The following TIGD6 variants were observed in gnomAD, a reference collection of about 807,000 sequenced individuals.
TIGD6 encodes tigger transposable element-derived protein 6.
In TIGD6, 1 loss-of-function variant was observed where a neutral mutation model predicts 2.6. That is an observed-to-expected ratio of 0.39 (90% CI 0.14 to 1.85). The LOEUF (loss-of-function observed/expected upper bound fraction) is 1.85. TIGD6 is among the 40% of genes most tolerant of loss of function. The pLI, the probability that TIGD6 is intolerant of heterozygous loss-of-function variation, is 0.32. For missense variants in TIGD6, 601 were observed against 634.2 expected (o/e 0.95, Z 0.56); for synonymous variants, 193 against 221.9 (o/e 0.87, Z 1.16).
Position 149,995,716 on chromosome 5 carries a change from T to C in TIGD6, c.633A>G (p.Thr211=), listed in dbSNP as rs905256164. Residue 211 remains threonine, a synonymous_variant, in exon 2 of 2, where the codon ACA becomes ACG. Coordinates refer to ENST00000296736, the MANE Select transcript of TIGD6 (RefSeq NM_030953.4). ...RGGKKAKQRL[T]ALFCCNASGT... is the part of the protein sequence containing the mutation. Reference sequence around the variant, plus strand: ...CCGAGGCATTGCAACAAAAGAGTGCTGTCAACCGCTGCTTTGCTTTCTTGC... The same window carrying C: ...CCGAGGCATTGCAACAAAAGAGTGCCGTCAACCGCTGCTTTGCTTTCTTGC... 5.6e-6 allele frequency: 9 copies of C among 1,614,134 alleles called. No homozygotes were observed. The highest frequency in any genetic ancestry group is 1.6e-4 in the Middle Eastern group (1 of 6,084).
rs762501340 is a variant in TIGD6 at position 149,994,937 on chromosome 5, G to A, written c.1412C>T (p.Ser471Leu). 3.5e-5 allele frequency: 57 copies of A among 1,612,758 alleles called. No homozygotes were observed. The highest frequency in any genetic ancestry group is 4.8e-5 in the Non-Finnish European group (57 of 1,179,020). ...QPKVTITEAI[S>L]SVQKLRQFLS... ...GAACTGTCTAAGTTTCTGTACACTT[G>A]ATATGGCTTCTGTGATGGTGACTTT... Residue 471 changes from serine to leucine, a missense_variant, in exon 2 of 2, where the codon TCA (serine) becomes TTA (leucine). By Grantham distance (145) the Ser-to-Leu change is moderately radical. Transcript: ENST00000296736.
At position 149,993,679 on chromosome 5, in the gene TIGD6, A is replaced by T. The variant is rs1304889001; in HGVS notation, c.*1104T>A. On this transcript the variant is annotated 3_prime_UTR_variant, in exon 2 of 2. Coordinates refer to ENST00000296736, the MANE Select transcript of TIGD6 (RefSeq NM_030953.4). The stretch of plus-strand genomic sequence containing the variant: ...TTCCCAATGTGCTGGGATTACAGGC[A>T]TGAGCCACCATGCCCAGCCTATGTC... 6.6e-6 allele frequency: 1 copy of T among 152,034 alleles called. No homozygotes were observed. Among genetic ancestry groups the T allele is most frequent in the East Asian group, 1.9e-4 (1 of 5,190 alleles). 9.4% of individuals were successfully genotyped at this position (152,034 alleles called of 1,614,324 possible).
chr5:149,996,507 T>C, intron 1 of TIGD6, 78 bp from the exon 2 acceptor site: 1 of 1,095,388 alleles, frequency 9.1e-7, no homozygotes, highest in Non-Finnish European at 1.3e-6. Context: ...TTACAAATTG[T>C]ATTAGGAAAG....
rs1755332827 is a variant in TIGD6, at chr5:149,994,662, T to C, written c.*121A>G. 7 of 973,324 alleles carry C rather than the reference T, an allele frequency of 7.2e-6. No homozygotes were observed. Among genetic ancestry groups the C allele is most frequent in the African/African-American group, 1.7e-5 (1 of 59,438 alleles). The allele number at this position is 973,324 out of a possible 1,614,324, so 60.3% of individuals were successfully genotyped here. A position where few individuals can be genotyped will look rare whatever the true frequency, so the allele number is the denominator to read the frequency against. On this transcript the variant is annotated 3_prime_UTR_variant, in exon 2 of 2. Coordinates refer to ENST00000296736, the MANE Select transcript of TIGD6 (RefSeq NM_030953.4). ...TCAAATTCCATTCAAAGAAGTTTCC[T>C]GGCTATTTCAGAGTACTGGAATGTT...
rs759742826 is a variant in TIGD6, at chr5:149,996,287, A to C, written c.62T>G (p.Val21Gly). 3 of 1,613,520 alleles carry C rather than the reference A, an allele frequency of 1.9e-6. No individual in the cohort carries two copies. In the South Asian group the frequency reaches 3.3e-5, roughly 18 times the overall value. The change falls in exon 2 of 2, where the codon GTG becomes GGG. Residue 21 changes from valine (V) to glycine (G), a missense_variant. Coordinates refer to ENST00000296736, the MANE Select transcript of TIGD6 (RefSeq NM_030953.4). ...QFSLEEKMKV[V>G]GAVDSGKRKG... is the part of the protein sequence containing the mutation. ...CCTCTTGCCTGAGTCTACAGCTCCC[A>C]CAACTTTCATTTTCTCCTCCAGAGA... is the stretch of plus-strand genomic sequence containing the variant.
chr5:149,994,789 T>C lies in TIGD6; in HGVS notation c.1560A>G (p.Thr520=), dbSNP rs950529883. Residue 520 remains threonine, a synonymous_variant, in exon 2 of 2, where the codon ACA becomes ACG. Transcript: ENST00000296736. ...IDSKITDFLQ[T]K ...TCTGAAATAAATTCCTGCATTATTT[T>C]GTTTGGAGGAAATCTGTAATTTTGG... 2 of 1,514,728 alleles carry C rather than the reference T, an allele frequency of 1.3e-6. No individual in the cohort carries two copies. The highest frequency in any genetic ancestry group is 1.8e-6 in the Non-Finnish European group (2 of 1,132,440). The allele number at this position is 1,514,728 out of a possible 1,614,324, so 93.8% of individuals were successfully genotyped here. A position where few individuals can be genotyped will look rare whatever the true frequency, so the allele number is the denominator to read the frequency against.
rs1207403655 is a variant in TIGD6 at position 149,993,130 on chromosome 5, T to C, written c.*1653A>G. The C allele has an allele frequency of 1.3e-5, 2 of 152,234 alleles. No homozygotes were observed. Among genetic ancestry groups the C allele is most frequent in the African/African-American group, 4.8e-5 (2 of 41,454 alleles). The allele number at this position is 152,234 out of a possible 1,614,324, so 9.4% of individuals were successfully genotyped here. On this transcript the variant is annotated 3_prime_UTR_variant, in exon 2 of 2. Coordinates refer to ENST00000296736, the MANE Select transcript of TIGD6 (RefSeq NM_030953.4). ...ATATGTACAGTACTTTTAATTCAAATGATCATATTAGTTTATTAAAAGAAA... is the reference window on the plus strand; with the variant it reads ...ATATGTACAGTACTTTTAATTCAAACGATCATATTAGTTTATTAAAAGAAA...
chr5:149,996,170 T>A lies in TIGD6; in HGVS notation c.179A>T (p.Glu60Val). The change falls in exon 2 of 2, where the codon GAG becomes GTG. Residue 60 changes from glutamate to valine, a missense_variant. Glu to Val is a moderately radical substitution (Grantham distance 121). Coordinates refer to ENST00000296736, the MANE Select transcript of TIGD6 (RefSeq NM_030953.4). ...TTTCCGCTGGGGTCCCACGGATGCC[T>A]CCCGCACCTTTTCTTCAAATTTGGT... ...DRTKFEEKVR[E>V]ASVGPQRKRM... The A allele has an allele frequency of 2.5e-6, 4 of 1,614,178 alleles. No individual in the cohort carries two copies. The highest frequency in any genetic ancestry group is 3.4e-6 in the Non-Finnish European group (4 of 1,180,018).
At chr5:149,996,915 C>T (rs1755402331) in intron 1 of TIGD6, among the ~76,000 whole-genome samples, 1 of 152,204 alleles carries the variant, frequency 6.6e-6, no homozygotes, top group African/African-American at 2.4e-5. Context: ...GCTCTACCAC[C>T]ATCTGGCCTG....
At chr5:149,998,761 T>C (rs1033136144) in intron 1 of TIGD6, among the ~76,000 whole-genome samples, 1 of 152,244 alleles carries the variant, frequency 6.6e-6, no homozygotes, top group Non-Finnish European at 1.5e-5. Context: ...CATCCATTCA[T>C]GACATGTACT....
Position 149,995,440 on chromosome 5 carries a change from C to A in TIGD6, c.909G>T (p.Leu303=), listed in dbSNP as rs771521594. The A allele has an allele frequency of 5.0e-6, 8 of 1,614,134 alleles. No individual in the cohort carries two copies. In the African/African-American group the frequency reaches 8.0e-5, roughly 16 times the overall value. ...GCAGGACAGCAGTACAGTTGGAGGG[C>A]AGATACCCAACCTGAATCCTTTCCA... ...PHLERIQVGY[L]PSNCTAVLQP... The change falls in exon 2 of 2, where the codon CTG becomes CTT. Residue 303 remains leucine (L), a synonymous_variant. Coordinates refer to ENST00000296736, the MANE Select transcript of TIGD6 (RefSeq NM_030953.4).
At position 149,993,999 on chromosome 5, in the gene TIGD6, C is replaced by T. The variant is rs989901270; in HGVS notation, c.*784G>A. The T allele has an allele frequency of 6.6e-6, 1 of 152,184 alleles. No individual in the cohort carries two copies. The highest frequency in any genetic ancestry group is 1.5e-5 in the Non-Finnish European group (1 of 68,046). 9.4% of individuals were successfully genotyped at this position (152,184 alleles called of 1,614,324 possible). On this transcript the variant is annotated 3_prime_UTR_variant, in exon 2 of 2. Transcript: ENST00000296736. The stretch of plus-strand genomic sequence containing the variant: ...CAAATCAGCAGAAAGGAAAAAAGAG[C>T]TCTAGAGTAAGAACAGTTGATTCTT...
At chr5:149,999,617 G>A (rs1324896789) in intron 1 of TIGD6, among the ~76,000 whole-genome samples, 1 of 152,152 alleles carries the variant, frequency 6.6e-6, no homozygotes. Flanking sequence ...AGATGATGGT[G>A]CCATTTACTG....
In TIGD6 at chr5:149,996,194, G is replaced by A. The variant is rs765303536; in HGVS notation, c.155C>T (p.Thr52Ile). The A allele has an allele frequency of 1.9e-6, 3 of 1,614,010 alleles. No homozygotes were observed. Among genetic ancestry groups the A allele is most frequent in the Non-Finnish European group, 1.7e-6 (2 of 1,180,034 alleles). ...CTCCCGCACCTTTTCTTCAAATTTG[G>A]TGCGATCCTTTAAGAATGTAGATAA... is the stretch of plus-strand genomic sequence containing the variant. Reference protein sequence around the residue: ...STLSTFLKDRTKFEEKVREAS... With the variant: ...STLSTFLKDRIKFEEKVREAS... Residue 52 changes from threonine to isoleucine, a missense_variant, in exon 2 of 2, where the codon ACC (threonine) becomes ATC (isoleucine). Thr to Ile is a moderately conservative substitution (Grantham distance 89, BLOSUM62 -1). Transcript: ENST00000296736.
rs532312052 is a variant in TIGD6 at position 149,996,034 on chromosome 5, T to C, written c.315A>G (p.Ala105=). 2 of 1,612,154 alleles carry C rather than the reference T, an allele frequency of 1.2e-6. No homozygotes were observed. The highest frequency in any genetic ancestry group is 1.7e-5 in the Admixed American group (1 of 60,026). ...AGCCAAGCATGTTGGCCAAGTTTAG[T>C]GCTTTTTTCCGAATGACAGAACCAG... ...LVTGSVIRKK[A]LNLANMLGYD... Residue 105 remains alanine, a synonymous_variant, in exon 2 of 2, where the codon GCA becomes GCG. Coordinates refer to ENST00000296736, the MANE Select transcript of TIGD6 (RefSeq NM_030953.4).
chr5:150,000,335 C>T lies in TIGD6; in HGVS notation c.-82+139G>A, dbSNP rs1227328280. 2.0e-5 allele frequency: 3 copies of T among 153,044 alleles called. No individual in the cohort carries two copies. In the East Asian group the frequency reaches 5.8e-4, roughly 29 times the overall value. 9.5% of individuals were successfully genotyped at this position (153,044 alleles called of 1,614,324 possible). A position where few individuals can be genotyped will look rare whatever the true frequency, so the allele number is the denominator to read the frequency against. On this transcript the variant is annotated intron_variant, in intron 1 of 1. Coordinates refer to ENST00000296736, the MANE Select transcript of TIGD6 (RefSeq NM_030953.4). ...CCCGATCCTGAATGAGAGGGAAAGA[C>T]TGAGACAGGCTGAGGTCAGGCCTTG...
In TIGD6 at chr5:150,000,575, T is replaced by G. The variant is rs570278641; in HGVS notation, c.-183A>C. ...GCCCGGGACCTCTGGCCGGAAGCAG[T>G]CCGTTCGCCTTACTAGACCCGCTCC... On this transcript the variant is annotated 5_prime_UTR_variant, in exon 1 of 2. Coordinates refer to ENST00000296736, the MANE Select transcript of TIGD6 (RefSeq NM_030953.4). 7 of 154,698 alleles carry G rather than the reference T, an allele frequency of 4.5e-5. No homozygotes were observed. The highest frequency in any genetic ancestry group is 1.7e-4 in the African/African-American group (7 of 41,648). 9.6% of individuals were successfully genotyped at this position (154,698 alleles called of 1,614,324 possible). A position where few individuals can be genotyped will look rare whatever the true frequency, so the allele number is the denominator to read the frequency against.
chr5:149,997,678 G>C (rs991131584), intron 1 of TIGD6, among the ~76,000 whole-genome samples: 1 of 151,916 alleles, frequency 6.6e-6, no homozygotes, highest in African/African-American at 2.4e-5. Flanking sequence ...TGCCATGGTA[G>C]GCTGGATGGG....
At position 150,000,583 on chromosome 5, in the gene TIGD6, C is replaced by T. The variant is rs1310543684; in HGVS notation, c.-191G>A. 3 of 154,522 alleles carry T rather than the reference C, an allele frequency of 1.9e-5. No individual in the cohort carries two copies. Among genetic ancestry groups the T allele is most frequent in the African/African-American group, 4.8e-5 (2 of 41,530 alleles). 9.6% of individuals were successfully genotyped at this position (154,522 alleles called of 1,614,324 possible). A position where few individuals can be genotyped will look rare whatever the true frequency, so the allele number is the denominator to read the frequency against. ...CCTCTGGCCGGAAGCAGTCCGTTCGCCTTACTAGACCCGCTCCAAGCCTTT... is the reference window on the plus strand; with the variant it reads ...CCTCTGGCCGGAAGCAGTCCGTTCGTCTTACTAGACCCGCTCCAAGCCTTT... On this transcript the variant is annotated 5_prime_UTR_variant, in exon 1 of 2. Coordinates refer to ENST00000296736, the MANE Select transcript of TIGD6 (RefSeq NM_030953.4).
Sources: gnomAD v4.1 joint callset for allele counts (sites outside exome capture counted in the v4.1 genomes callset) on GRCh38, gnomAD v4.1.1 for gene constraint, MANE v1.5 for transcripts, NCBI Gene and HGNC (gene_info 2026-07-23, HGNC 2026-07-21) for gene names.